The following MAD1L1 variants were observed in gnomAD, a reference collection of about 807,000 sequenced individuals.
MAD1L1 encodes mitotic spindle assembly checkpoint protein MAD1.
MAD1L1 carries 95 observed loss-of-function variants against 96.9 expected under a neutral mutation model. The ratio of observed to expected loss-of-function variants is 0.98; its 90% CI spans 0.83 to 1.16. The LOEUF (loss-of-function observed/expected upper bound fraction) is 1.16, where lower values mean the gene tolerates loss of function less well. MAD1L1 is among the 50% of genes most tolerant of loss of function. The pLI is 0.00. For synonymous variants in MAD1L1, 473 were observed against 396.6 expected (o/e 1.19, Z -2.29); for missense variants, 1,007 against 954.4 (o/e 1.06, Z -0.73).
At chr7:2,111,949 A>G (rs913917504) in intron 11 of MAD1L1, among the ~76,000 whole-genome samples, 7 of 152,248 alleles carry the variant, frequency 4.6e-5, no homozygotes, top group African/African-American at 1.4e-4. Context: ...GATCATACAA[A>G]GCCAACATTT....
chr7:1,840,968 C>G lies in MAD1L1; in HGVS notation c.1999-24740G>C, dbSNP rs116379650. Among the ~76,000 whole-genome samples the G allele has an allele frequency of 6.8e-3, 1,040 of 152,334 alleles. 1 individual carries two copies. The highest frequency in any genetic ancestry group is 0.011 in the Admixed American group (172 of 15,308). The stretch of plus-strand genomic sequence containing the variant: ...CAAACCCTGGCGGGGCCAGGTGGTC[C>G]CCGTGCGTTTGCAGCCTGGATGTGA... On this transcript the variant is annotated intron_variant, in intron 18 of 18. Coordinates refer to ENST00000265854, the MANE Select transcript of MAD1L1 (RefSeq NM_001013836.2).
chr7:2,052,584 C>T (rs1269198092), intron 12 of MAD1L1, among the ~76,000 whole-genome samples: 1 of 152,200 alleles, frequency 6.6e-6, no homozygotes, highest in Non-Finnish European at 1.5e-5. Flanking sequence ...GGAAACCCTA[C>T]TTACGTTTAT....
chr7:1,840,794 G>A (rs994927791), intron 18 of MAD1L1, among the ~76,000 whole-genome samples: 28 of 152,186 alleles, frequency 1.8e-4, no homozygotes, highest in African/African-American at 6.8e-4. Context: ...GGTTTTAGCG[G>A]CCTGGGCATG....
chr7:1,896,048 C>T (rs567167822), intron 18 of MAD1L1, among the ~76,000 whole-genome samples: 90 of 152,372 alleles, frequency 5.9e-4, no homozygotes, highest in Non-Finnish European at 9.8e-4. Flanking sequence ...GCGAGCCCGG[C>T]CTCCCGTACG....
At chr7:2,221,128 G>A (rs1212443443) in intron 5 of MAD1L1, 20 of 1,064,022 alleles carry the variant, frequency 1.9e-5, no homozygotes, top group South Asian at 1.1e-4. Context: ...CACCTGCAGC[G>A]CCACCATCTT....
At chr7:2,126,670 G>A (rs893851156) in intron 11 of MAD1L1, among the ~76,000 whole-genome samples, 3 of 152,206 alleles carry the variant, frequency 2.0e-5, no homozygotes, top group Non-Finnish European at 2.9e-5. Context: ...GCATCTCTGG[G>A]GACCGGCCTC....
chr7:2,144,539 C>CA (rs1431348927), intron 11 of MAD1L1, among the ~76,000 whole-genome samples: 2 of 152,184 alleles, frequency 1.3e-5, no homozygotes, highest in African/African-American at 4.8e-5. Flanking sequence ...TATTCCCCCC[C>CA]AGATCTGAAA....
chr7:1,837,989 G>A (rs1452839881), intron 18 of MAD1L1, among the ~76,000 whole-genome samples: 1 of 152,242 alleles, frequency 6.6e-6, no homozygotes, highest in African/African-American at 2.4e-5. Flanking sequence ...ACACGGCAGC[G>A]TGCTGCTTCT....
intron 17 of MAD1L1, among the ~76,000 whole-genome samples, chr7:1,900,810 A>C: frequency 6.6e-6 from 1 of 152,150 alleles, no homozygotes; most frequent in Middle Eastern, 3.2e-3. Flanking sequence ...TTTCCGATAG[A>C]CTTCAAAGCT....
At chr7:2,010,294 A>C (rs956873955) in intron 13 of MAD1L1, among the ~76,000 whole-genome samples, 1 of 152,076 alleles carries the variant, frequency 6.6e-6, no homozygotes, top group Non-Finnish European at 1.5e-5. Context: ...CTGGGAGGTC[A>C]CGGGGAGGAA....
At chr7:2,055,357 G>A (rs867931734) in intron 12 of MAD1L1, among the ~76,000 whole-genome samples, 21 of 152,242 alleles carry the variant, frequency 1.4e-4, no homozygotes, top group East Asian at 5.8e-4. Flanking sequence ...CCTGTGGCCC[G>A]CATCGTAGGG....
At chr7:1,855,571 C>T (rs1447152830) in intron 18 of MAD1L1, among the ~76,000 whole-genome samples, 2 of 152,086 alleles carry the variant, frequency 1.3e-5, no homozygotes, top group African/African-American at 2.4e-5. Context: ...CAGCTCCACC[C>T]GAGGCGGGTC....
intron 10 of MAD1L1, among the ~76,000 whole-genome samples, chr7:2,162,984 A>G (rs1414423611): frequency 6.6e-6 from 1 of 151,858 alleles, no homozygotes; most frequent in Admixed American, 6.6e-5. Context: ...ACTTTTCCTC[A>G]TAATCTTTCA....
chr7:2,060,292 GAGATACGCCGATC>G (rs1562648131), intron 12 of MAD1L1, among the ~76,000 whole-genome samples: 3 of 147,026 alleles, frequency 2.0e-5, no homozygotes, highest in Non-Finnish European at 4.5e-5. Context: ...CGCCGATCCC[GAGATACGCCGATC>G]CCGAGATACG....
chr7:2,009,149 C>A (rs189689824), intron 13 of MAD1L1, among the ~76,000 whole-genome samples: 1 of 152,202 alleles, frequency 6.6e-6, no homozygotes, highest in Non-Finnish European at 1.5e-5. Context: ...TGCTGAGACA[C>A]GAGCCCCGGG....
At chr7:2,184,016 C>T (rs1041630543) in intron 10 of MAD1L1, among the ~76,000 whole-genome samples, 1 of 151,888 alleles carries the variant, frequency 6.6e-6, no homozygotes, top group Non-Finnish European at 1.5e-5. Flanking sequence ...TTTGGGAGGC[C>T]GAGGCGGGTG....
intron 17 of MAD1L1, among the ~76,000 whole-genome samples, chr7:1,905,502 G>A (rs1170489532): frequency 6.6e-6 from 1 of 151,460 alleles, no homozygotes; most frequent in Non-Finnish European, 1.5e-5. Flanking sequence ...GATTGATGAA[G>A]CACTGTTCCA....
chr7:1,856,784 C>T (rs1231252515), intron 18 of MAD1L1, among the ~76,000 whole-genome samples: 1 of 152,154 alleles, frequency 6.6e-6, no homozygotes, highest in Admixed American at 6.5e-5. Flanking sequence ...CACACGTAAC[C>T]CAACCCTGGA....
chr7:2,165,069 T>C (rs1790358655), intron 10 of MAD1L1, among the ~76,000 whole-genome samples: 1 of 152,148 alleles, frequency 6.6e-6, no homozygotes, highest in South Asian at 2.1e-4. Flanking sequence ...CTGGGCGCAG[T>C]GGCTCACGCC....
Sources: gnomAD v4.1 joint callset for allele counts (sites outside exome capture counted in the v4.1 genomes callset) on GRCh38, gnomAD v4.1.1 for gene constraint, MANE v1.5 for transcripts, NCBI Gene and HGNC (gene_info 2026-07-23, HGNC 2026-07-21) for gene names.